The following CCDC33 variants were observed in gnomAD, a reference collection of about 807,000 sequenced individuals.
The protein encoded by CCDC33 is coiled-coil domain containing 33, also known as coiled-coil domain-containing protein 33.
In CCDC33, 94 loss-of-function variants were observed where a neutral mutation model predicts 91.9. That is an observed-to-expected ratio of 1.02 (90% CI 0.87 to 1.21). The LOEUF (loss-of-function observed/expected upper bound fraction) is 1.21, where lower values mean the gene tolerates loss of function less well. Among genes scored for constraint, CCDC33 ranks in the 50% most tolerant of loss-of-function variants. The probability of loss-of-function intolerance (pLI) is 0.00; values close to 1 mark genes in which losing one functional copy is unlikely to be tolerated. For missense variants in CCDC33, 940 were observed against 935.5 expected, an observed-to-expected ratio of 1.00 and a Z score of -0.06; for synonymous variants, 396 against 374.5, an observed-to-expected ratio of 1.06 and a Z score of -0.66.
chr15:74,226,457 A>T (rs2074799699), intron 2 of CCDC33, among the ~76,000 whole-genome samples: 1 of 152,174 alleles, frequency 6.6e-6, no homozygotes, highest in African/African-American at 2.4e-5. Flanking sequence ...CTAACAACCC[A>T]TCCCACAAAT....
upstream of CCDC33, among the ~76,000 whole-genome samples, chr15:74,215,886 A>AAAAGAAAGAAAGAAAG (rs1295954055): frequency 2.6e-5 from 3 of 113,840 alleles, no homozygotes; most frequent in African/African-American, 8.7e-5. Context: ...AAAAAAAAAA[A>AAAAGAAAGAAAGAAAG]AAAGAAAGAA....
intron 12 of CCDC33, 105 bp from the exon 13 acceptor site, chr15:74,330,558 C>A: frequency 8.7e-7 from 1 of 1,142,956 alleles, no homozygotes; most frequent in Non-Finnish European, 1.3e-6. Context: ...CCAGTCCCGT[C>A]CCAAGCCCTC....
At chr15:74,291,894 GAT>G (rs1393478566) in intron 10 of CCDC33, among the ~76,000 whole-genome samples, 2 of 152,218 alleles carry the variant, frequency 1.3e-5, no homozygotes, top group African/African-American at 2.4e-5. Flanking sequence ...GTGAGGAAGG[GAT>G]GTCTTCTCCC....
At chr15:74,323,733 TAGTC>T (rs1287817168) in intron 11 of CCDC33, among the ~76,000 whole-genome samples, 2 of 151,970 alleles carry the variant, frequency 1.3e-5, no homozygotes, top group Non-Finnish European at 2.9e-5. Flanking sequence ...TTCACCATGT[TAGTC>T]AGGCTGGTCT....
At chr15:74,287,844 G>A (rs1596035523) in intron 10 of CCDC33, among the ~76,000 whole-genome samples, 2 of 152,160 alleles carry the variant, frequency 1.3e-5, no homozygotes, top group South Asian at 4.1e-4. Flanking sequence ...AGAGACATGA[G>A]AGTCTGTGCT....
At chr15:74,258,365 A>C (rs1699024128) in intron 2 of CCDC33, among the ~76,000 whole-genome samples, 1 of 152,044 alleles carries the variant, frequency 6.6e-6, no homozygotes, top group African/African-American at 2.4e-5. Context: ...TGGGATTGGC[A>C]CTCAAAACAA....
At chr15:74,209,179 A>C in intron 1 of CCDC33, 1 of 1,196,330 alleles carries the variant, frequency 8.4e-7, no homozygotes. Flanking sequence ...CTGGGGCCCC[A>C]CACAACACAC....
upstream of CCDC33, among the ~76,000 whole-genome samples, chr15:74,231,753 C>G (rs118090104): frequency 6.6e-6 from 1 of 152,142 alleles, no homozygotes; most frequent in Non-Finnish European, 1.5e-5. Context: ...CGGTGGTTCA[C>G]GCCTGTAATC....
In CCDC33 at chr15:74,330,695, C is replaced by A. The variant is rs768191801; in HGVS notation, c.1489C>A (p.Leu497Met). 5.0e-6 allele frequency: 8 copies of A among 1,613,476 alleles called. No individual in the cohort carries two copies. In the South Asian group the frequency reaches 8.8e-5, roughly 18 times the overall value. The change falls in exon 13 of 19, where the codon CTG (leucine) becomes ATG (methionine). Residue 497 changes from leucine (L) to methionine (M), a missense_variant. Transcript: ENST00000398814. ...GAAGCAGAAACTGCTGCTGAGTGAG[C>A]TGGATATGAAGAAACTGAGGGACAG... is the stretch of plus-strand genomic sequence containing the variant. ...SMKQKLLLSE[L>M]DMKKLRDRVQ...
At position 74,298,624 on chromosome 15, in the gene CCDC33, C is replaced by T. The variant is rs1387556672; in HGVS notation, c.1290+2676C>T. Among the ~76,000 whole-genome samples, 6 of 152,132 alleles carry T rather than the reference C, an allele frequency of 3.9e-5. No homozygotes were observed. The South Asian group carries it at 1.2e-3, about 32-fold the overall frequency. On this transcript the variant is annotated intron_variant, in intron 11 of 18. Coordinates refer to ENST00000398814, the MANE Select transcript of CCDC33 (RefSeq NM_025055.5). ...GTGCGATCTCAGCTCACCACAACAT[C>T]CGCCTCCCGGGTTCAAGAGATTCTC... is the stretch of plus-strand genomic sequence containing the variant.
At chr15:74,310,811 A>G (rs2059979133) in intron 11 of CCDC33, among the ~76,000 whole-genome samples, 2 of 152,172 alleles carry the variant, frequency 1.3e-5, no homozygotes, top group Non-Finnish European at 2.9e-5. Flanking sequence ...AGAGGAACTG[A>G]GGCCAAAAGA....
chr15:74,215,571 C>T (rs1458542266), upstream of CCDC33, among the ~76,000 whole-genome samples: 1 of 151,644 alleles, frequency 6.6e-6, no homozygotes, highest in East Asian at 1.9e-4. Flanking sequence ...ACTGTACACA[C>T]ACACCAAAAA....
chr15:74,329,365 GCTCTAT>G lies in CCDC33; in HGVS notation c.1291-822_1291-817del, dbSNP rs2060378430. 2.6e-5 allele frequency among the ~76,000 whole-genome samples: 4 copies of G among 152,252 alleles called. No individual in the cohort carries two copies. The South Asian group carries it at 8.3e-4, about 32-fold the overall frequency. On this transcript the variant is annotated intron_variant, in intron 11 of 18. Transcript: ENST00000398814. ...CTGCAGGCCTGGATTTCAGACCCTG[GCTCTAT>G]CACTAATCAGTCTTGTAACTGAGCA...
At chr15:74,227,976 T>A (rs550838684) in intron 2 of CCDC33, among the ~76,000 whole-genome samples, 1 of 150,820 alleles carries the variant, frequency 6.6e-6, no homozygotes, top group Admixed American at 6.6e-5. Context: ...TTCACAGCCT[T>A]GGAGGCGGGG....
intron 10 of CCDC33, among the ~76,000 whole-genome samples, chr15:74,291,318 G>A (rs1555416000): frequency 6.6e-6 from 1 of 152,262 alleles, no homozygotes; most frequent in Non-Finnish European, 1.5e-5. Flanking sequence ...ACTGATCGGG[G>A]AACTGCTGCA....
At chr15:74,322,544 C>T (rs2060227733) in intron 11 of CCDC33, among the ~76,000 whole-genome samples, 1 of 152,220 alleles carries the variant, frequency 6.6e-6, no homozygotes, top group African/African-American at 2.4e-5. Context: ...CAAATCTCTG[C>T]ACCTCTCTGG....
intron 10 of CCDC33, among the ~76,000 whole-genome samples, chr15:74,288,286 A>G (rs1327690369): frequency 2.0e-5 from 3 of 152,048 alleles, no homozygotes; most frequent in African/African-American, 7.3e-5. Context: ...GACATTTGCA[A>G]ACTATTTATG....
At chr15:74,318,496 C>T (rs926747217) in intron 11 of CCDC33, 1 of 610,270 alleles carries the variant, frequency 1.6e-6, no homozygotes, top group Non-Finnish European at 2.9e-6. Flanking sequence ...TGCCTGCTTC[C>T]AGCTCAGGGC....
At position 74,204,940 on chromosome 15, in the gene CCDC33, A is replaced by AGAAAGAAAGAAAG. The variant is rs10647648; in HGVS notation, n.89+1842_89+1843insGAAAGAAAGAAAG. On this transcript the variant is annotated intron_variant and non_coding_transcript_variant, in intron 1 of 3. Transcript: ENST00000558645. ...AAAGAGGCAAACTCCATCTCAAAAA[A>AGAAAGAAAGAAAG]AAAGAAAGAAAGAAAGAAAAGAAAC... Among the ~76,000 whole-genome samples the AGAAAGAAAGAAAG allele has an allele frequency of 3.2e-3, 478 of 151,736 alleles. 1 individual carries two copies. The highest frequency in any genetic ancestry group is 0.011 in the African/African-American group (457 of 41,376).
Sources: gnomAD v4.1 joint callset for allele counts (sites outside exome capture counted in the v4.1 genomes callset) on GRCh38, gnomAD v4.1.1 for gene constraint, MANE v1.5 for transcripts, NCBI Gene and HGNC (gene_info 2026-07-23, HGNC 2026-07-21) for gene names.